The following PELI2 variants were observed in gnomAD, a reference collection of about 807,000 sequenced individuals.
PELI2 encodes the protein pellino E3 ubiquitin protein ligase family member 2.
A neutral mutation model predicts 42.3 loss-of-function variants in PELI2; 23 were observed. That is an observed-to-expected ratio of 0.54 (90% CI 0.39 to 0.77). The LOEUF is 0.77. PELI2 is among the 30% of genes least tolerant of loss of function. The pLI, the probability that PELI2 is intolerant of heterozygous loss-of-function variation, is 0.00. For missense variants in PELI2, 463 were observed against 553.2 expected (o/e 0.84, Z 1.64); for synonymous variants, 245 against 212.2 (o/e 1.15, Z -1.34).
intron 2 of PELI2, among the ~76,000 whole-genome samples, chr14:56,190,150 C>G (rs1156421061): frequency 6.6e-6 from 1 of 152,114 alleles, no homozygotes; most frequent in Non-Finnish European, 1.5e-5. Context: ...TTCTGTAGTA[C>G]TTGATTGAAA....
intron 1 of PELI2, among the ~76,000 whole-genome samples, chr14:56,164,821 A>G (rs1422460351): frequency 1.3e-5 from 2 of 152,178 alleles, no homozygotes; most frequent in Non-Finnish European, 2.9e-5. Flanking sequence ...ATTTATTGGC[A>G]TATAGTTGCT....
Position 56,124,316 on chromosome 14 carries a change from A to G in PELI2, c.77+5579A>G, listed in dbSNP as rs143784488. Among the ~76,000 whole-genome samples the G allele has an allele frequency of 4.0e-4, 61 of 152,230 alleles. 1 individual carries two copies. Among genetic ancestry groups the G allele is most frequent in the African/African-American group, 1.2e-3 (49 of 41,544 alleles). On this transcript the variant is annotated intron_variant, in intron 1 of 5. Transcript: ENST00000267460. The stretch of plus-strand genomic sequence containing the variant: ...ATCTTTCAAATGATTCAGATATGTC[A>G]TGTTAATAATGTCATTTTTCACCCT...
chr14:56,210,257 C>G (rs1176574288), intron 2 of PELI2, among the ~76,000 whole-genome samples: 1 of 151,912 alleles, frequency 6.6e-6, no homozygotes, highest in Non-Finnish European at 1.5e-5. Context: ...TCAGTGGATA[C>G]CGTCTGCAAT....
At chr14:56,218,146 C>G (rs8014536) in intron 2 of PELI2, among the ~76,000 whole-genome samples, 1 of 152,052 alleles carries the variant, frequency 6.6e-6, no homozygotes, top group East Asian at 1.9e-4. Flanking sequence ...CAGTGGTCTA[C>G]CAAAGAAGAG....
chr14:56,223,891 A>G (rs1467598680), intron 2 of PELI2, among the ~76,000 whole-genome samples: 3 of 152,226 alleles, frequency 2.0e-5, no homozygotes, highest in Non-Finnish European at 4.4e-5. Flanking sequence ...TTCGTGTCAT[A>G]TAATACTTGT....
chr14:56,178,677 C>T (rs143971766), intron 2 of PELI2, among the ~76,000 whole-genome samples: 168 of 152,270 alleles, frequency 1.1e-3, no homozygotes, highest in African/African-American at 3.0e-3. Context: ...CCAGTAGCAC[C>T]CCCGCATTCT....
intron 1 of PELI2, among the ~76,000 whole-genome samples, chr14:56,167,822 G>A (rs1179350095): frequency 6.6e-6 from 1 of 152,118 alleles, no homozygotes; most frequent in Non-Finnish European, 1.5e-5. Flanking sequence ...TTTTTGGGAT[G>A]GCTTGCTGGA....
intron 1 of PELI2, among the ~76,000 whole-genome samples, chr14:56,119,538 G>C (rs1269247289): frequency 6.6e-6 from 1 of 152,200 alleles, no homozygotes. Flanking sequence ...GCTGGTGAAA[G>C]CCGCATCTTG....
At chr14:56,239,145 A>G (rs984911327) in intron 2 of PELI2, among the ~76,000 whole-genome samples, 1 of 152,260 alleles carries the variant, frequency 6.6e-6, no homozygotes, top group African/African-American at 2.4e-5. Flanking sequence ...TAAAAGGGCT[A>G]CAATAATGAA....
At chr14:56,163,537 G>A (rs1280963151) in intron 1 of PELI2, among the ~76,000 whole-genome samples, 1 of 151,856 alleles carries the variant, frequency 6.6e-6, no homozygotes, top group Non-Finnish European at 1.5e-5. Context: ...TTATACTTAG[G>A]ACAGCTTTGG....
chr14:56,225,215 A>C (rs1035083357), intron 2 of PELI2, among the ~76,000 whole-genome samples: 6 of 152,072 alleles, frequency 3.9e-5, no homozygotes, highest in African/African-American at 1.2e-4. Flanking sequence ...CAGCTGTGTG[A>C]ACTTTGGACT....
chr14:56,182,805 AAC>A (rs1885632969), intron 2 of PELI2, among the ~76,000 whole-genome samples: 1 of 152,170 alleles, frequency 6.6e-6, no homozygotes, highest in African/African-American at 2.4e-5. Flanking sequence ...TGGTAAAACT[AAC>A]AATATAATTT....
At chr14:56,261,773 T>A (rs1019760089) in intron 2 of PELI2, among the ~76,000 whole-genome samples, 1 of 152,242 alleles carries the variant, frequency 6.6e-6, no homozygotes, top group Non-Finnish European at 1.5e-5. Context: ...ACGCAGAATG[T>A]TCACTGATTT....
intron 2 of PELI2, among the ~76,000 whole-genome samples, chr14:56,184,670 C>G (rs1353698140): frequency 1.3e-5 from 2 of 151,790 alleles, no homozygotes; most frequent in African/African-American, 4.8e-5. Context: ...ATTATTAGGG[C>G]TGAAAAAATA....
At chr14:56,174,549 C>G (rs535302967) in intron 1 of PELI2, among the ~76,000 whole-genome samples, 1 of 152,022 alleles carries the variant, frequency 6.6e-6, no homozygotes, top group Non-Finnish European at 1.5e-5. Context: ...GATTGGATGG[C>G]GGGGTGGGGG....
chr14:56,217,966 C>T (rs1168036861), intron 2 of PELI2, among the ~76,000 whole-genome samples: 1 of 152,216 alleles, frequency 6.6e-6, no homozygotes, highest in Non-Finnish European at 1.5e-5. Flanking sequence ...AACTACTTTT[C>T]ACATAGGACC....
At chr14:56,278,971 A>G (rs1330835589) in intron 2 of PELI2, among the ~76,000 whole-genome samples, 1 of 152,202 alleles carries the variant, frequency 6.6e-6, no homozygotes, top group Non-Finnish European at 1.5e-5. Context: ...TTTTTGTTCA[A>G]ACATATCACT....
At position 56,118,585 on chromosome 14, in the gene PELI2, C is replaced by T. The variant is rs1038056884; in HGVS notation, c.-76C>T. The T allele has an allele frequency of 1.1e-3, 1,052 of 957,624 alleles. No homozygotes were observed. The highest frequency in any genetic ancestry group is 1.1e-3 in the Non-Finnish European group (795 of 712,742). 59.3% of individuals were successfully genotyped at this position (957,624 alleles called of 1,614,324 possible). Reference sequence around the variant, plus strand: ...CCCCGTTCTCGGGATGGGATTGTAGCGGCGGCGCGGACTCGGCGGGGATCG... The same window carrying T: ...CCCCGTTCTCGGGATGGGATTGTAGTGGCGGCGCGGACTCGGCGGGGATCG... On this transcript the variant is annotated 5_prime_UTR_variant, in exon 1 of 6. Transcript: ENST00000267460.
At chr14:56,224,591 ACTGAG>A (rs1349107916) in intron 2 of PELI2, among the ~76,000 whole-genome samples, 1 of 152,204 alleles carries the variant, frequency 6.6e-6, no homozygotes, top group Non-Finnish European at 1.5e-5. Context: ...CCTTTTAGAA[ACTGAG>A]CTCACAGACA....
Sources: allele counts gnomAD v4.1 joint callset (sites outside exome capture counted in the v4.1 genomes callset), GRCh38; gene constraint gnomAD v4.1.1; transcripts MANE v1.5; gene names NCBI Gene and HGNC (gene_info 2026-07-23, HGNC 2026-07-21).